The following MSI2 variants were observed in gnomAD, a reference collection of about 807,000 sequenced individuals.
MSI2 encodes musashi RNA binding protein 2, also known as RNA-binding protein Musashi homolog 2.
Under a neutral mutation model 45.6 loss-of-function variants are expected in MSI2, and 17 were observed. That is an observed-to-expected ratio of 0.37 (90% confidence interval 0.26 to 0.56). MSI2 has a LOEUF of 0.56. MSI2 is among the 20% of genes least tolerant of loss of function. The pLI is 0.77. For synonymous variants in MSI2, 156 were observed against 158.2 expected (o/e 0.99, Z 0.11); for missense variants, 293 against 444.2 (o/e 0.66, Z 3.06).
chr17:57,570,116 C>T (rs750001461), intron 7 of MSI2, among the ~76,000 whole-genome samples: 48 of 152,128 alleles, frequency 3.2e-4, no homozygotes, highest in South Asian at 2.1e-4. Flanking sequence ...TTTTAAATGA[C>T]GTGGAAATGC....
downstream of MSI2, among the ~76,000 whole-genome samples, chr17:57,688,252 T>G (rs1461294981): frequency 2.6e-5 from 4 of 152,062 alleles, no homozygotes; most frequent in Non-Finnish European, 5.9e-5. Flanking sequence ...TCTAGAAATT[T>G]TAAAAGACTG....
chr17:57,660,301 G>A (rs1020282675), intron 11 of MSI2, among the ~76,000 whole-genome samples: 1 of 152,236 alleles, frequency 6.6e-6, no homozygotes, highest in African/African-American at 2.4e-5. Flanking sequence ...GCTTTGTGCT[G>A]CTTGGCTAAG....
chr17:57,590,985 C>G (rs540366977), intron 7 of MSI2, among the ~76,000 whole-genome samples: 1 of 152,238 alleles, frequency 6.6e-6, no homozygotes, highest in African/African-American at 2.4e-5. Context: ...CCCAGAGGGC[C>G]CCGATGGAGT....
intron 6 of MSI2, among the ~76,000 whole-genome samples, chr17:57,446,916 A>C (rs1032122322): frequency 1.3e-5 from 2 of 152,160 alleles, no homozygotes; most frequent in Non-Finnish European, 2.9e-5. Context: ...CACGCCTTGA[A>C]GCTTTGGACT....
chr17:57,674,058 G>A (rs898962373), intron 11 of MSI2, among the ~76,000 whole-genome samples: 4 of 151,108 alleles, frequency 2.6e-5, no homozygotes, highest in African/African-American at 7.3e-5. Flanking sequence ...CCCCAGCTCT[G>A]GCCCCAGCCT....
In MSI2 at chr17:57,289,620, T is replaced by C. The variant is rs188284321; in HGVS notation, c.312+27428T>C. On this transcript the variant is annotated intron_variant, in intron 5 of 13. Transcript: ENST00000284073. ...GCCAGGGATTTTTCTAGGCCCTGAT[T>C]AAAGGTAAATTATCAGATGAAAGTT... 1.5e-4 allele frequency among the ~76,000 whole-genome samples: 23 copies of C among 152,294 alleles called. No individual in the cohort carries two copies. In the East Asian group the frequency reaches 2.1e-3, roughly 14 times the overall value.
intron 8 of MSI2, among the ~76,000 whole-genome samples, chr17:57,607,115 G>A (rs1906687541): frequency 6.6e-6 from 1 of 152,192 alleles, no homozygotes; most frequent in African/African-American, 2.4e-5. Flanking sequence ...GACATTCTTT[G>A]AGGACTTCTG....
rs1911289755 is a variant in MSI2, at chr17:57,653,017, GT to G, written c.790+857del. 3.3e-5 allele frequency among the ~76,000 whole-genome samples: 5 copies of G among 152,174 alleles called. No homozygotes were observed. In the South Asian group the frequency reaches 1.0e-3, roughly 32 times the overall value. The stretch of plus-strand genomic sequence containing the variant: ...CTGAGTGGTCATGGTTTGCAGCTCT[GT>G]CCCCCCACGCCCCACGGACAGGGCT... On this transcript the variant is annotated intron_variant, in intron 11 of 13. Coordinates refer to ENST00000284073, the MANE Select transcript of MSI2 (RefSeq NM_138962.4).
the MSI2 span, among the ~76,000 whole-genome samples, chr17:57,701,233 C>T: frequency 6.6e-6 from 1 of 152,164 alleles, no homozygotes; most frequent in East Asian, 1.9e-4. Flanking sequence ...CATTAGGTTG[C>T]TATGAGACCT....
At chr17:57,649,850 T>C (rs943910850) in intron 10 of MSI2, among the ~76,000 whole-genome samples, 2 of 152,210 alleles carry the variant, frequency 1.3e-5, no homozygotes, top group African/African-American at 2.4e-5. Context: ...CCCAAGGGGC[T>C]AGGCCAGGTT....
In MSI2 at chr17:57,679,710, C is replaced by G; in HGVS notation, c.*193C>G. 1.6e-6 allele frequency: 1 copy of G among 609,394 alleles called. No homozygotes were observed. The highest frequency in any genetic ancestry group is 2.2e-6 in the Non-Finnish European group (1 of 461,984). 37.7% of individuals were successfully genotyped at this position (609,394 alleles called of 1,614,324 possible). ...GACTACATCTCATCATCTCACGAAT[C>G]TGCTGTAATATAAGACAACAGCTTT... On this transcript the variant is annotated 3_prime_UTR_variant, in exon 14 of 14. Coordinates refer to ENST00000284073, the MANE Select transcript of MSI2 (RefSeq NM_138962.4).
intron 6 of MSI2, among the ~76,000 whole-genome samples, chr17:57,420,700 A>G (rs2084379342): frequency 6.6e-6 from 1 of 152,186 alleles, no homozygotes; most frequent in Non-Finnish European, 1.5e-5. Context: ...CTCTTGGGTT[A>G]GTGCCTGTCC....
At chr17:57,438,347 C>T (rs975437628) in intron 6 of MSI2, among the ~76,000 whole-genome samples, 1 of 152,148 alleles carries the variant, frequency 6.6e-6, no homozygotes, top group Non-Finnish European at 1.5e-5. Context: ...AAGGGGCTGG[C>T]CGCAGAGATA....
chr17:57,485,941 A>C (rs1434764087), intron 6 of MSI2, among the ~76,000 whole-genome samples: 1 of 152,196 alleles, frequency 6.6e-6, no homozygotes. Flanking sequence ...AAGACTGCCC[A>C]CACCACACCA....
At chr17:57,553,278 C>T (rs2087349781) in intron 7 of MSI2, among the ~76,000 whole-genome samples, 1 of 152,198 alleles carries the variant, frequency 6.6e-6, no homozygotes, top group African/African-American at 2.4e-5. Context: ...AGTGCAAAAT[C>T]AGCCCAAACT....
At chr17:57,555,926 C>T (rs1203249010) in intron 7 of MSI2, among the ~76,000 whole-genome samples, 2 of 152,208 alleles carry the variant, frequency 1.3e-5, no homozygotes, top group African/African-American at 4.8e-5. Context: ...GCCTCAGAAC[C>T]ACCACTTGTT....
intron 11 of MSI2, chr17:57,671,645 C>T (rs1318372733): frequency 2.0e-5 from 3 of 148,442 alleles, no homozygotes; most frequent in Non-Finnish European, 3.0e-5. Context: ...TAGAGGGAGA[C>T]GGGTTCTCAA....
At chr17:57,653,640 T>C (rs1294083161) in intron 11 of MSI2, among the ~76,000 whole-genome samples, 1 of 152,210 alleles carries the variant, frequency 6.6e-6, no homozygotes, top group Non-Finnish European at 1.5e-5. Flanking sequence ...ACTCTTGAGA[T>C]TTTTGAGTGT....
intron 6 of MSI2, among the ~76,000 whole-genome samples, chr17:57,503,697 G>C (rs985593039): frequency 1.3e-5 from 2 of 152,206 alleles, no homozygotes; most frequent in African/African-American, 4.8e-5. Context: ...CATAAGATGT[G>C]GTTCCTGTTC....
Sources: allele counts gnomAD v4.1 joint callset (sites outside exome capture counted in the v4.1 genomes callset), GRCh38; gene constraint gnomAD v4.1.1; transcripts MANE v1.5; gene names NCBI Gene and HGNC (gene_info 2026-07-23, HGNC 2026-07-21).